The following FRMD4A variants were observed in gnomAD, a reference collection of about 807,000 sequenced individuals.
FRMD4A encodes the protein FERM domain containing 4A, also known as FERM domain-containing protein 4A.
A neutral mutation model predicts 129.1 loss-of-function variants in FRMD4A; 29 were observed. That is an observed-to-expected ratio of 0.22 (90% CI 0.17 to 0.31). The LOEUF is 0.31. Ranked by LOEUF, FRMD4A falls within the 10% of genes least tolerant of loss-of-function variation. The probability of loss-of-function intolerance (pLI) is 1.00; values close to 1 mark genes in which losing one functional copy is unlikely to be tolerated. For missense variants in FRMD4A, 1,272 were observed against 1,375.8 expected, an observed-to-expected ratio of 0.92 and a Z score of 1.19; for synonymous variants, 634 against 571.6, an observed-to-expected ratio of 1.11 and a Z score of -1.56.
Position 14,158,320 on chromosome 10 carries a change from A to G in FRMD4A, c.45+171738T>C, listed in dbSNP as rs565478990. Among the ~76,000 whole-genome samples the G allele has an allele frequency of 2.0e-5, 3 of 152,354 alleles. No individual in the cohort carries two copies. In the East Asian group the frequency reaches 5.8e-4, roughly 29 times the overall value. ...AAGGGCAAGAATTCAGTCAGAAGAT[A>G]GCCTCTGTGGTCAAGATTAGTGGCT... is the stretch of plus-strand genomic sequence containing the variant. On this transcript the variant is annotated intron_variant, in intron 2 of 24. Transcript: ENST00000357447.
intron 2 of FRMD4A, among the ~76,000 whole-genome samples, chr10:13,933,830 G>A (rs928936863): frequency 3.3e-5 from 5 of 152,210 alleles, no homozygotes; most frequent in African/African-American, 1.2e-4. Flanking sequence ...CAGCAGACAA[G>A]CTGGCTAGGG....
intron 24 of FRMD4A, 32 bp downstream of exon 24, chr10:13,651,870 TG>T: frequency 1.9e-6 from 2 of 1,056,320 alleles, no homozygotes; most frequent in Non-Finnish European, 3.0e-6. Context: ...CACAGACTCA[TG>T]GGCAGTAGGA....
chr10:14,308,997 T>TA (rs1240073012), intron 2 of FRMD4A, among the ~76,000 whole-genome samples: 2 of 152,358 alleles, frequency 1.3e-5, no homozygotes, highest in East Asian at 3.9e-4. Context: ...TATTTCCACT[T>TA]AGACACCTGC....
At position 13,654,438 on chromosome 10, in the gene FRMD4A, G is replaced by C; in HGVS notation, c.3028C>G (p.His1010Asp). 6.2e-7 allele frequency: 1 copy of C among 1,611,680 alleles called. No individual in the cohort carries two copies. Among genetic ancestry groups the C allele is most frequent in the Non-Finnish European group, 8.5e-7 (1 of 1,177,708 alleles). The change falls in exon 23 of 25, where the codon CAC (histidine) becomes GAC (aspartate). Residue 1010 changes from histidine (H) to aspartate (D), a missense_variant. His to Asp is a moderately conservative substitution (Grantham distance 81, BLOSUM62 -1). Transcript: ENST00000357447. ...IGATPPSSPH[H>D]ILTWQTGEAT... is the part of the protein sequence containing the mutation. ...CACCCAGTCTGCCAGGTTAGGATGT[G>C]GTGGGGGCTGCTTGGGGGGGTGGCT... is the stretch of plus-strand genomic sequence containing the variant.
intron 2 of FRMD4A, among the ~76,000 whole-genome samples, chr10:14,125,987 A>C (rs1297438394): frequency 3.3e-5 from 5 of 152,192 alleles, no homozygotes; most frequent in Non-Finnish European, 7.3e-5. Context: ...CCGATGATAA[A>C]ACAGTGTATG....
intron 2 of FRMD4A, among the ~76,000 whole-genome samples, chr10:14,013,743 C>A (rs2095689440): frequency 6.6e-6 from 1 of 152,072 alleles, no homozygotes; most frequent in Non-Finnish European, 1.5e-5. Flanking sequence ...ACGAGCCTGA[C>A]CAACATGGAG....
At chr10:14,173,200 T>A (rs2131888312) in intron 2 of FRMD4A, among the ~76,000 whole-genome samples, 1 of 152,330 alleles carries the variant, frequency 6.6e-6, no homozygotes, top group African/African-American at 2.4e-5. Flanking sequence ...AAAGTAATAT[T>A]TCTAGCATTA....
intron 2 of FRMD4A, among the ~76,000 whole-genome samples, chr10:14,324,281 T>C (rs1253054990): frequency 2.0e-5 from 3 of 152,196 alleles, no homozygotes; most frequent in Admixed American, 6.5e-5. Context: ...AATAGCAAGA[T>C]CTCAAAGATA....
At chr10:13,765,949 C>T (rs1319154211) in intron 6 of FRMD4A, among the ~76,000 whole-genome samples, 1 of 152,142 alleles carries the variant, frequency 6.6e-6, no homozygotes, top group Non-Finnish European at 1.5e-5. Flanking sequence ...AGCCAATGGT[C>T]GACTGCGGGC....
intron 11 of FRMD4A, among the ~76,000 whole-genome samples, chr10:13,738,239 T>C (rs991195808): frequency 2.6e-5 from 4 of 152,026 alleles, no homozygotes; most frequent in African/African-American, 4.8e-5. Context: ...CTCTCTCTCT[T>C]TTTTTTCCTT....
chr10:14,032,649 G>A (rs141480626), intron 2 of FRMD4A, among the ~76,000 whole-genome samples: 92 of 152,292 alleles, frequency 6.0e-4, no homozygotes, highest in African/African-American at 2.2e-3. Flanking sequence ...AGCTGCTGGC[G>A]GACACCACCC....
chr10:14,321,269 G>A (rs1843037516), intron 2 of FRMD4A, among the ~76,000 whole-genome samples: 1 of 150,882 alleles, frequency 6.6e-6, no homozygotes, highest in South Asian at 2.1e-4. Context: ...AATCTATTAA[G>A]AAAAACAGAT....
chr10:14,136,026 C>T lies in FRMD4A; in HGVS notation c.45+194032G>A, dbSNP rs189717535. On this transcript the variant is annotated intron_variant, in intron 2 of 24. Transcript: ENST00000357447. ...AGGTTGGCCCTGACTCTCTGGCTGCCATGTCTAGCCAGGCCGTTTAAGGTT... is the reference window on the plus strand; with the variant it reads ...AGGTTGGCCCTGACTCTCTGGCTGCTATGTCTAGCCAGGCCGTTTAAGGTT... Among the ~76,000 whole-genome samples the T allele has an allele frequency of 2.1e-3, 324 of 152,296 alleles. 1 individual carries two copies. Among genetic ancestry groups the T allele is most frequent in the Non-Finnish European group, 2.6e-3 (177 of 68,008 alleles).
At chr10:14,065,177 C>CT (rs199891196) in intron 2 of FRMD4A, among the ~76,000 whole-genome samples, 11 of 151,198 alleles carry the variant, frequency 7.3e-5, no homozygotes, top group Admixed American at 3.3e-4. Flanking sequence ...TTCATTGGGA[C>CT]TTTTTTTTTC....
intron 2 of FRMD4A, among the ~76,000 whole-genome samples, chr10:13,920,248 A>T (rs2095056492): frequency 6.6e-6 from 1 of 151,932 alleles, no homozygotes; most frequent in Non-Finnish European, 1.5e-5. Context: ...GCATGTAGGC[A>T]TTTTTTTTGG....
intron 2 of FRMD4A, among the ~76,000 whole-genome samples, chr10:14,245,665 C>T (rs1844208725): frequency 6.6e-6 from 1 of 151,942 alleles, no homozygotes; most frequent in Non-Finnish European, 1.5e-5. Context: ...CTCTGTAAGA[C>T]GAGGAAATTT....
At chr10:13,650,039 C>T (rs2081424093) in intron 24 of FRMD4A, among the ~76,000 whole-genome samples, 1 of 152,140 alleles carries the variant, frequency 6.6e-6, no homozygotes, top group Non-Finnish European at 1.5e-5. Flanking sequence ...GCAAGAATGC[C>T]CTTTCCCAGG....
chr10:13,891,645 A>T, intron 2 of FRMD4A: 1 of 985,236 alleles, frequency 1.0e-6, no homozygotes, highest in Non-Finnish European at 1.2e-6. Context: ...TGCGCTTCCA[A>T]GGGATCCGAG....
intron 2 of FRMD4A, among the ~76,000 whole-genome samples, chr10:13,881,707 G>A (rs1018714770): frequency 5.9e-5 from 9 of 152,052 alleles, no homozygotes; most frequent in Admixed American, 1.3e-4. Context: ...AAGAAGATAC[G>A]GTCCTACCCC....
Sources: allele counts gnomAD v4.1 joint callset (sites outside exome capture counted in the v4.1 genomes callset), GRCh38; gene constraint gnomAD v4.1.1; transcripts MANE v1.5; gene names NCBI Gene and HGNC (gene_info 2026-07-23, HGNC 2026-07-21).